The following SP4 variants were observed in gnomAD, a reference collection of about 807,000 sequenced individuals.
SP4 encodes the protein transcription factor Sp4.
SP4 carries 19 observed loss-of-function variants against 72.8 expected under a neutral mutation model. That is an observed-to-expected ratio of 0.26 (90% CI 0.18 to 0.38). The LOEUF is 0.38. Among genes scored for constraint, SP4 ranks in the 10% least tolerant of loss-of-function variants. SP4 has a pLI of 1.00. For synonymous variants in SP4, 395 were observed against 333.1 expected, an observed-to-expected ratio of 1.19 and a Z score of -2.02; for missense variants, 1,008 against 926.3, an observed-to-expected ratio of 1.09 and a Z score of -1.14.
In SP4 at chr7:21,514,078, A is replaced by C. The variant is rs1229087171; in HGVS notation, c.*2809A>C. The C allele has an allele frequency of 6.6e-6, 1 of 152,624 alleles. No homozygotes were observed. Among genetic ancestry groups the C allele is most frequent in the East Asian group, 1.9e-4 (1 of 5,200 alleles). 9.5% of individuals were successfully genotyped at this position (152,624 alleles called of 1,614,324 possible). ...TTATTGTAATTATCAGTGCAAAGCT[A>C]TGTATTTATCATGGTAAAACTCCAG... On this transcript the variant is annotated 3_prime_UTR_variant, in exon 6 of 6. Transcript: ENST00000222584.
At chr7:21,495,172 G>A (rs887165244) in intron 5 of SP4, among the ~76,000 whole-genome samples, 3 of 152,104 alleles carry the variant, frequency 2.0e-5, no homozygotes, top group African/African-American at 7.2e-5. Context: ...CCTTGAGATA[G>A]GCTACGAGTG....
At position 21,429,528 on chromosome 7, in the gene SP4, C is replaced by T; in HGVS notation, c.363C>T (p.Ala121=). The part of the protein sequence containing the change: ...ASKENNVSQP[A]SSSSSSSSSN... ...AAGAGAATAACGTTTCTCAACCAGCCTCTAGTTCGTCTAGTTCTTCCAGCA... is the reference window on the plus strand; with the variant it reads ...AAGAGAATAACGTTTCTCAACCAGCTTCTAGTTCGTCTAGTTCTTCCAGCA... Residue 121 remains alanine, a synonymous_variant, in exon 3 of 6, where the codon GCC becomes GCT. Coordinates refer to ENST00000222584, the MANE Select transcript of SP4 (RefSeq NM_003112.5). 2.5e-6 allele frequency: 4 copies of T among 1,614,148 alleles called. No individual in the cohort carries two copies. Among genetic ancestry groups the T allele is most frequent in the South Asian group, 1.1e-5 (1 of 91,086 alleles).
intron 5 of SP4, among the ~76,000 whole-genome samples, chr7:21,492,552 C>T (rs1785007615): frequency 6.6e-6 from 1 of 150,692 alleles, no homozygotes; most frequent in Non-Finnish European, 1.5e-5. Context: ...TAGGCCCAAG[C>T]ATTTCAGATA....
intron 4 of SP4, among the ~76,000 whole-genome samples, chr7:21,478,351 A>G (rs73265657): frequency 0.018 from 2,785 of 152,082 alleles, 76 homozygotes; most frequent in African/African-American, 0.064. Flanking sequence ...GTGTGGGCAT[A>G]TGTTTTCATT....
intron 5 of SP4, among the ~76,000 whole-genome samples, chr7:21,494,280 C>A (rs1406784863): frequency 6.6e-6 from 1 of 152,154 alleles, no homozygotes; most frequent in Non-Finnish European, 1.5e-5. Context: ...GGAATTTCTA[C>A]CCAGTGCAGT....
At chr7:21,438,500 G>T (rs1783124434) in intron 3 of SP4, among the ~76,000 whole-genome samples, 1 of 151,996 alleles carries the variant, frequency 6.6e-6, no homozygotes, top group South Asian at 2.1e-4. Flanking sequence ...AATTTACTGT[G>T]TACTTAGGTG....
chr7:21,486,917 T>A (rs1784830061), intron 5 of SP4, among the ~76,000 whole-genome samples: 1 of 152,190 alleles, frequency 6.6e-6, no homozygotes, highest in African/African-American at 2.4e-5. Context: ...GGGGGCTTTT[T>A]TACAAATAAA....
At chr7:21,494,715 C>G (rs1005552344) in intron 5 of SP4, among the ~76,000 whole-genome samples, 2 of 152,186 alleles carry the variant, frequency 1.3e-5, no homozygotes, top group East Asian at 1.9e-4. Context: ...CCAAACATAT[C>G]TGCAGATTCA....
rs181249820 is a variant in SP4 at position 21,459,977 on chromosome 7, A to G, written c.1679-17102A>G. ...TAATACAAGTGGCATATGCTAAAAG[A>G]GAGATGAATGGTAAAAGATGGTAAT... On this transcript the variant is annotated intron_variant, in intron 3 of 5. Coordinates refer to ENST00000222584, the MANE Select transcript of SP4 (RefSeq NM_003112.5). 1.5e-3 allele frequency among the ~76,000 whole-genome samples: 224 copies of G among 152,338 alleles called. 1 individual carries two copies. Among genetic ancestry groups the G allele is most frequent in the Admixed American group, 4.7e-3 (72 of 15,304 alleles).
intron 3 of SP4, among the ~76,000 whole-genome samples, chr7:21,456,604 T>G (rs918577437): frequency 6.6e-6 from 1 of 152,194 alleles, no homozygotes; most frequent in Non-Finnish European, 1.5e-5. Context: ...GAGGCAGATG[T>G]GCCCCTGAGG....
At chr7:21,439,988 C>G (rs754188753) in intron 3 of SP4, among the ~76,000 whole-genome samples, 5 of 152,224 alleles carry the variant, frequency 3.3e-5, no homozygotes, top group Non-Finnish European at 5.9e-5. Flanking sequence ...TATGAAGCTT[C>G]TCTTTTCCTC....
chr7:21,454,128 T>G (rs1014831543), intron 3 of SP4, among the ~76,000 whole-genome samples: 4 of 152,236 alleles, frequency 2.6e-5, no homozygotes, highest in Non-Finnish European at 5.9e-5. Context: ...ATTCTAATTA[T>G]GTACTAGGTG....
intron 3 of SP4, among the ~76,000 whole-genome samples, chr7:21,469,743 C>T (rs1347539371): frequency 6.6e-6 from 1 of 151,886 alleles, no homozygotes; most frequent in East Asian, 1.9e-4. Context: ...AAGATTTCAC[C>T]ATATTGGCCA....
Position 21,428,179 on chromosome 7 carries a change from TCCCGCCTC to T in SP4, c.-72_-65del. 8 of 600,788 alleles carry T rather than the reference TCCCGCCTC, an allele frequency of 1.3e-5. No homozygotes were observed. Among genetic ancestry groups the T allele is most frequent in the East Asian group, 3.8e-5 (1 of 26,626 alleles). 37.2% of individuals were successfully genotyped at this position (600,788 alleles called of 1,614,324 possible). Reference sequence around the variant, plus strand: ...GCGGGCGGGCGGGACCGGCCTCTCCTCCCGCCTCGCCCCCACCCCCACCCACCTCTATC... The same window carrying T: ...GCGGGCGGGCGGGACCGGCCTCTCCTGCCCCCACCCCCACCCACCTCTATC... On this transcript the variant is annotated 5_prime_UTR_variant, in exon 1 of 6. Transcript: ENST00000222584.
chr7:21,469,294 A>G (rs889323423), intron 3 of SP4, among the ~76,000 whole-genome samples: 3 of 152,164 alleles, frequency 2.0e-5, no homozygotes, highest in Admixed American at 1.3e-4. Context: ...ACATTGAACA[A>G]AGATTAAAAC....
intron 3 of SP4, among the ~76,000 whole-genome samples, chr7:21,456,957 G>A (rs1302831521): frequency 6.6e-6 from 1 of 152,170 alleles, no homozygotes; most frequent in African/African-American, 2.4e-5. Flanking sequence ...AGTTCTGGGG[G>A]TTGGTTAGTA....
chr7:21,446,262 A>G (rs1438242969), intron 3 of SP4, among the ~76,000 whole-genome samples: 1 of 152,132 alleles, frequency 6.6e-6, no homozygotes, highest in Non-Finnish European at 1.5e-5. Context: ...TCCTTACCCT[A>G]AGCCACAAAG....
At chr7:21,436,921 C>G (rs985825659) in intron 3 of SP4, among the ~76,000 whole-genome samples, 1 of 152,180 alleles carries the variant, frequency 6.6e-6, no homozygotes, top group African/African-American at 2.4e-5. Flanking sequence ...AAATGACCCT[C>G]TTATATTTGA....
intron 5 of SP4, among the ~76,000 whole-genome samples, chr7:21,495,265 G>A (rs1583442591): frequency 6.6e-6 from 1 of 152,118 alleles, no homozygotes; most frequent in East Asian, 1.9e-4. Flanking sequence ...CTTTTGCTCT[G>A]TGATGGATCC....
Sources: gnomAD v4.1 joint callset for allele counts (sites outside exome capture counted in the v4.1 genomes callset) on GRCh38, gnomAD v4.1.1 for gene constraint, MANE v1.5 for transcripts, NCBI Gene and HGNC (gene_info 2026-07-23, HGNC 2026-07-21) for gene names.